NID1: variants seen among roughly 807,000 people sequenced by gnomAD.
NID1 encodes the protein nidogen-1.
A neutral mutation model predicts 130.6 loss-of-function variants in NID1; 76 were observed. The ratio of observed to expected loss-of-function variants is 0.58; its 90% confidence interval spans 0.48 to 0.70. The LOEUF is 0.70. NID1 is among the 30% of genes least tolerant of loss of function. The pLI is 0.00. For missense variants in NID1, 1,517 were observed against 1,664.8 expected (o/e 0.91, Z 1.54); for synonymous variants, 665 against 675.1 (o/e 0.98, Z 0.23).
chr1:236,004,741 A>G (rs766897385), intron 12 of NID1, among the ~76,000 whole-genome samples: 98 of 142,162 alleles, frequency 6.9e-4, no homozygotes, highest in Non-Finnish European at 1.2e-3. Flanking sequence ...CAGCCTGGGC[A>G]ACAGAGCGAG....
chr1:236,013,316 C>T, intron 11 of NID1, 95 bp downstream of exon 11: 3 of 1,346,002 alleles, frequency 2.2e-6, no homozygotes, highest in South Asian at 1.3e-5. Context: ...ATTCTTTCTT[C>T]TATTTGGGAG....
Position 236,024,281 on chromosome 1 carries a change from G to A in NID1, c.1985-68C>T, listed in dbSNP as rs989224627. The stretch of plus-strand genomic sequence containing the variant: ...CTCTTGCAGGTTTCCTCCTTCCACA[G>A]AAAGTCAACCACAACTGGTGAGCAA... On this transcript the variant is annotated intron_variant, in intron 8 of 19. Coordinates refer to ENST00000264187, the MANE Select transcript of NID1 (RefSeq NM_002508.3). The A allele has an allele frequency of 1.9e-6, 3 of 1,569,092 alleles. No individual in the cohort carries two copies. In the African/African-American group the frequency reaches 4.0e-5, roughly 21 times the overall value.
chr1:236,053,559 G>C (rs915506285), intron 1 of NID1, among the ~76,000 whole-genome samples: 1 of 152,088 alleles, frequency 6.6e-6, no homozygotes, highest in African/African-American at 2.4e-5. Context: ...CCCTCCAGTG[G>C]AAGCTCCTTC....
At chr1:236,063,241 G>A (rs957478327) in intron 1 of NID1, among the ~76,000 whole-genome samples, 10 of 151,572 alleles carry the variant, frequency 6.6e-5, no homozygotes, top group Admixed American at 5.9e-4. Context: ...GGAAGCTGAG[G>A]TGGGCAGATC....
At chr1:236,028,015 T>C (rs1658989851) in intron 7 of NID1, among the ~76,000 whole-genome samples, 1 of 152,136 alleles carries the variant, frequency 6.6e-6, no homozygotes, top group Non-Finnish European at 1.5e-5. Flanking sequence ...ATTGTTTGAC[T>C]CGGCACTTCT....
chr1:236,032,295 G>A, intron 6 of NID1, 106 bp downstream of exon 6: 1 of 1,388,376 alleles, frequency 7.2e-7, no homozygotes, highest in African/African-American at 1.4e-5. Context: ...GCAACAACAT[G>A]CTTCTAAGTT....
At chr1:236,023,969 C>T (rs1658846122) in intron 9 of NID1, 101 bp downstream of exon 9, 9 of 1,467,174 alleles carry the variant, frequency 6.1e-6, no homozygotes, top group Non-Finnish European at 8.4e-6. Context: ...TTTATCTCAT[C>T]CGTGCTTCCT....
intron 19 of NID1, among the ~76,000 whole-genome samples, chr1:235,978,398 C>T (rs966893607): frequency 6.6e-6 from 1 of 152,138 alleles, no homozygotes; most frequent in African/African-American, 2.4e-5. Context: ...AGGGGAGAGG[C>T]CTTCAAGAGG....
At chr1:235,984,528 C>CA (rs1369152032) in intron 15 of NID1, among the ~76,000 whole-genome samples, 1 of 152,130 alleles carries the variant, frequency 6.6e-6, no homozygotes, top group East Asian at 1.9e-4. Context: ...AAAAGAAATA[C>CA]AAAATGAGGC....
intron 12 of NID1, among the ~76,000 whole-genome samples, chr1:235,998,810 A>C (rs1175815117): frequency 6.6e-6 from 1 of 152,164 alleles, no homozygotes; most frequent in East Asian, 1.9e-4. Context: ...TTTGATTCTC[A>C]TTGCAATCCT....
chr1:236,052,774 G>A (rs561745948), intron 1 of NID1, among the ~76,000 whole-genome samples: 19 of 152,280 alleles, frequency 1.2e-4, no homozygotes, highest in African/African-American at 3.6e-4. Context: ...GTGAGTGTGG[G>A]TGTGTGGGAG....
At chr1:235,985,663 G>A (rs1031331338) in intron 14 of NID1, among the ~76,000 whole-genome samples, 158 bp from the exon 15 acceptor site, 7 of 151,752 alleles carry the variant, frequency 4.6e-5, no homozygotes, top group East Asian at 1.9e-4. Context: ...GGAGTTGTTC[G>A]TATATTTCAG....
chr1:236,063,533 T>C (rs1660105184), intron 1 of NID1, among the ~76,000 whole-genome samples: 1 of 151,946 alleles, frequency 6.6e-6, no homozygotes, highest in South Asian at 2.1e-4. Context: ...ATATAGTACA[T>C]AAGAGCATAA....
intron 2 of NID1, among the ~76,000 whole-genome samples, chr1:236,047,521 A>T (rs1348376190): frequency 6.6e-6 from 1 of 152,144 alleles, no homozygotes; most frequent in African/African-American, 2.4e-5. Context: ...CGTGCTCTAC[A>T]GCCTGGTCCT....
chr1:236,030,965 AATG>A (rs765551309), intron 6 of NID1, among the ~76,000 whole-genome samples: 1 of 152,176 alleles, frequency 6.6e-6, no homozygotes, highest in African/African-American at 2.4e-5. Context: ...ACTGCAGCTC[AATG>A]ATATTTGCAA....
At chr1:235,985,319 A>C in intron 15 of NID1, 60 bp downstream of exon 15, 1 of 1,598,586 alleles carries the variant, frequency 6.3e-7, no homozygotes. Context: ...TCTGGCATAC[A>C]TGGCCACTTT....
chr1:236,045,073 C>A (rs10737897), intron 3 of NID1, among the ~76,000 whole-genome samples: 75,065 of 151,646 alleles, frequency 0.5, 19,310 homozygotes, highest in East Asian at 0.68. Flanking sequence ...GTGGCACACA[C>A]CTGTAATCCC....
chr1:236,048,919 G>A lies in NID1; in HGVS notation c.296C>T (p.Pro99Leu). Residue 99 changes from proline to leucine, a missense_variant, in exon 2 of 20, where the codon CCA becomes CTA. Physicochemically the swap from Pro to Leu is moderately conservative, Grantham distance 98. Around this residue, in one of 3 missense-constraint regions of NID1, gnomAD observed 1,329 missense variants for 1,429.2 expected, o/e 0.93. Coordinates refer to ENST00000264187, the MANE Select transcript of NID1 (RefSeq NM_002508.3). ...AKESHPGLFP[P>L]TFGAVAPFLA... Reference sequence around the variant, plus strand: ...GAAAGGGGCGACTGCACCGAATGTTGGTGGGAAGAGCCCGGGATGGGATTC... The same window carrying A: ...GAAAGGGGCGACTGCACCGAATGTTAGTGGGAAGAGCCCGGGATGGGATTC... The A allele has an allele frequency of 1.2e-6, 2 of 1,614,108 alleles. No individual in the cohort carries two copies. The highest frequency in any genetic ancestry group is 1.7e-6 in the Non-Finnish European group (2 of 1,180,008).
chr1:236,055,018 T>G (rs1469823660), intron 1 of NID1, among the ~76,000 whole-genome samples: 1 of 151,706 alleles, frequency 6.6e-6, no homozygotes, highest in Non-Finnish European at 1.5e-5. Flanking sequence ...TTAAAAATAA[T>G]TCAGGGCCGC....
Sources: allele counts gnomAD v4.1 joint callset (sites outside exome capture counted in the v4.1 genomes callset), GRCh38; gene constraint gnomAD v4.1.1; regional missense constraint gnomAD v4.1.1; transcripts MANE v1.5; gene names NCBI Gene and HGNC (gene_info 2026-07-23, HGNC 2026-07-21).